Variants in WDR91 observed in about 807,000 individuals in gnomAD.
WDR91 encodes WD repeat-containing protein 91.
Under a neutral mutation model 88.4 loss-of-function variants are expected in WDR91, and 52 were observed. That is an observed-to-expected ratio of 0.59 (90% confidence interval 0.47 to 0.74). The LOEUF (loss-of-function observed/expected upper bound fraction) is 0.74, where lower values mean the gene tolerates loss of function less well. WDR91 is among the 30% of genes least tolerant of loss of function. The pLI, the probability that WDR91 is intolerant of heterozygous loss-of-function variation, is 0.00. For synonymous variants in WDR91, 362 were observed against 389.5 expected (o/e 0.93, Z 0.83); for missense variants, 824 against 954.5 (o/e 0.86, Z 1.80).
chr7:135,195,317 C>G (rs1831321758), intron 8 of WDR91, among the ~76,000 whole-genome samples: 1 of 152,246 alleles, frequency 6.6e-6, no homozygotes, highest in Admixed American at 6.5e-5. Flanking sequence ...CAATTCTGGG[C>G]AAAGAGCCGT....
intron 6 of WDR91, among the ~76,000 whole-genome samples, chr7:135,203,909 T>C (rs1243366079): frequency 6.6e-6 from 1 of 152,176 alleles, no homozygotes; most frequent in Non-Finnish European, 1.5e-5. Context: ...TGGCACTGCC[T>C]TGATCAGTGC....
In WDR91 at chr7:135,186,331, A is replaced by C; in HGVS notation, c.2080-16T>G. The C allele has an allele frequency of 6.2e-7, 1 of 1,608,964 alleles. No homozygotes were observed. The highest frequency in any genetic ancestry group is 1.7e-4 in the Middle Eastern group (1 of 6,038). On this transcript the variant is annotated splice_polypyrimidine_tract_variant and intron_variant, in intron 14 of 14. Transcript: ENST00000354475. ...CGCCACCCAGCTGCAAGAGGACAGG[A>C]AAGAGGAGGAGGTGTCAGCAAACAC...
At chr7:135,210,863 G>A (rs1380572281) in intron 1 of WDR91, 2 of 703,700 alleles carry the variant, frequency 2.8e-6, no homozygotes, top group East Asian at 2.7e-5. Flanking sequence ...TAGAGCAGGG[G>A]AAGTTTGGGT....
chr7:135,187,458 G>A (rs1040823378), intron 13 of WDR91, among the ~76,000 whole-genome samples: 1 of 152,154 alleles, frequency 6.6e-6, no homozygotes, highest in African/African-American at 2.4e-5. Flanking sequence ...CTTTCTCTCT[G>A]GCCTGACCCT....
chr7:135,193,409 A>G lies in WDR91; in HGVS notation c.1491-10T>C. 2.5e-6 allele frequency: 4 copies of G among 1,613,806 alleles called. No homozygotes were observed. The highest frequency in any genetic ancestry group is 3.4e-6 in the Non-Finnish European group (4 of 1,179,822). ...CGCAAGAGACAGGATTCTGCAACAC[A>G]CATGGGCCTGGGTCAGACCCTCTGC... On this transcript the variant is annotated splice_polypyrimidine_tract_variant and intron_variant, in intron 10 of 14. Transcript: ENST00000354475.
chr7:135,204,405 A>T lies in WDR91; in HGVS notation c.754T>A (p.Ser252Thr). Residue 252 changes from serine (S) to threonine (T), a missense_variant, in exon 6 of 15, where the codon TCC (serine) becomes ACC (threonine). Transcript: ENST00000354475. Reference protein sequence around the residue: ...LAMVCSQRNASLSQSPRVGFL... With the variant: ...LAMVCSQRNATLSQSPRVGFL... ...CCCACACGAGGTGACTGGGAGAGGG[A>T]GGCATTCCTTTGGCTGCACACCATG... 4 of 1,614,172 alleles carry T rather than the reference A, an allele frequency of 2.5e-6. No individual in the cohort carries two copies. The highest frequency in any genetic ancestry group is 3.4e-6 in the Non-Finnish European group (4 of 1,180,040).
intron 4 of WDR91, among the ~76,000 whole-genome samples, chr7:135,206,517 C>T (rs887528172): frequency 2.5e-4 from 38 of 152,000 alleles, no homozygotes; most frequent in African/African-American, 8.9e-4. Flanking sequence ...AACCCCATAA[C>T]CTAAACAGCC....
At chr7:135,191,211 AAC>A (rs375146646) in intron 11 of WDR91, among the ~76,000 whole-genome samples, 1 of 152,336 alleles carries the variant, frequency 6.6e-6, no homozygotes, top group East Asian at 1.9e-4. Flanking sequence ...ATTCTAGAAA[AAC>A]ACATATACTG....
Position 135,205,995 on chromosome 7 carries a change from C to T in WDR91, c.658G>A (p.Glu220Lys). The T allele has an allele frequency of 6.2e-7, 1 of 1,614,214 alleles. No homozygotes were observed. Among genetic ancestry groups the T allele is most frequent in the African/African-American group, 1.3e-5 (1 of 75,058 alleles). Residue 220 changes from glutamate to lysine, a missense_variant, in exon 5 of 15, where the codon GAG becomes AAG. Physicochemically the swap from Glu to Lys is moderately conservative, Grantham distance 56. Coordinates refer to ENST00000354475, the MANE Select transcript of WDR91 (RefSeq NM_014149.4). ...GGCAATTTGTGTTGGACCAAGGCCTCTTCCTCTTCTGGCTGTTGCTCCTCT... is the reference window on the plus strand; with the variant it reads ...GGCAATTTGTGTTGGACCAAGGCCTTTTCCTCTTCTGGCTGTTGCTCCTCT... ...KKEEQQPEEE[E>K]ALVQHKLPPY...
chr7:135,190,074 T>C (rs560376573), intron 11 of WDR91, among the ~76,000 whole-genome samples: 3 of 152,070 alleles, frequency 2.0e-5, no homozygotes, highest in Non-Finnish European at 4.4e-5. Context: ...GGGCCACAAC[T>C]AAGAGAAAGC....
chr7:135,208,859 GA>G lies in WDR91; in HGVS notation c.442del (p.Ser148LeufsTer16). On this transcript the variant is annotated frameshift_variant, in exon 3 of 15. Transcript: ENST00000354475. LOFTEE classifies it high-confidence loss of function. Reference protein sequence around the residue: ...DTNPTFATYFSRQWADTFIVS... With the variant: ...DTNPTFATYFXRQWADTFIVS... ...AATGAAGGTGTCAGCCCACTGTCGA[GA>G]AAAGTAGGTAGCAAAGGTGGGGTTG... 2 of 1,614,196 alleles carry G rather than the reference GA, an allele frequency of 1.2e-6. No homozygotes were observed. The highest frequency in any genetic ancestry group is 1.7e-6 in the Non-Finnish European group (2 of 1,180,028).
At chr7:135,209,072 C>A in intron 2 of WDR91, 74 bp from the exon 3 acceptor site, 2 of 1,319,842 alleles carry the variant, frequency 1.5e-6, no homozygotes, top group Non-Finnish European at 2.1e-6. Flanking sequence ...CATCATTGCA[C>A]AGCAGACAAC....
intron 6 of WDR91, among the ~76,000 whole-genome samples, chr7:135,200,739 A>C (rs1032238323): frequency 2.0e-5 from 3 of 152,234 alleles, no homozygotes; most frequent in African/African-American, 7.2e-5. Flanking sequence ...ACAGTTCAGG[A>C]GAGACACGGT....
intron 9 of WDR91, chr7:135,193,879 A>C: frequency 1.8e-6 from 1 of 564,174 alleles, no homozygotes; most frequent in Non-Finnish European, 3.2e-6. Flanking sequence ...CTTCTAAGCA[A>C]AACCACAAAA....
At chr7:135,207,025 G>GA (rs754554776) in intron 4 of WDR91, 95 bp downstream of exon 4, 4 of 986,666 alleles carry the variant, frequency 4.1e-6, no homozygotes, top group East Asian at 6.8e-5. Context: ...AGTGGCAGTG[G>GA]AAACCTGATT....
Position 135,204,288 on chromosome 7 carries a change from T to C in WDR91, c.871A>G (p.Lys291Glu). ...GPPQPQSSAK[K>E]ESFGGQGTKG... ...CTTACCTGACCACCGAAGGACTCTT[T>C]CTTGGCCGAGCTCTGAGGTTGAGGA... Residue 291 changes from lysine (K) to glutamate (E), a missense_variant, in exon 6 of 15, where the codon AAA (lysine) becomes GAA (glutamate). Lys to Glu is a moderately conservative substitution (Grantham distance 56). Coordinates refer to ENST00000354475, the MANE Select transcript of WDR91 (RefSeq NM_014149.4). 6.2e-7 allele frequency: 1 copy of C among 1,614,108 alleles called. No homozygotes were observed. The highest frequency in any genetic ancestry group is 8.5e-7 in the Non-Finnish European group (1 of 1,180,010).
chr7:135,198,082 C>T lies in WDR91; in HGVS notation c.961G>A (p.Gly321Arg), dbSNP rs1192074191. 2 of 1,614,026 alleles carry T rather than the reference C, an allele frequency of 1.2e-6. No homozygotes were observed. Among genetic ancestry groups the T allele is most frequent in the Non-Finnish European group, 1.7e-6 (2 of 1,179,990 alleles). Residue 321 changes from glycine (G) to arginine (R), a missense_variant, in exon 7 of 15, where the codon GGG (glycine) becomes AGG (arginine). Gly to Arg is a moderately radical substitution (Grantham distance 125, BLOSUM62 -2). Transcript: ENST00000354475. The part of the protein sequence containing the change: ...GKSLLSGLAT[G>R]ESGWSQHRQR... The stretch of plus-strand genomic sequence containing the variant: ...CGGTGCTGTGACCAACCGGACTCCC[C>T]AGTGGCCAGCCCGCTGAGGAGGCTC...
intron 4 of WDR91, 109 bp downstream of exon 4, chr7:135,207,011 A>G: frequency 2.9e-6 from 2 of 690,584 alleles, no homozygotes; most frequent in Non-Finnish European, 4.6e-6. Flanking sequence ...CTGAGAAATT[A>G]GGTAGTGGCA....
At chr7:135,198,291 A>G in intron 6 of WDR91, 140 bp from the exon 7 acceptor site, 1 of 980,976 alleles carries the variant, frequency 1.0e-6, no homozygotes, top group Admixed American at 2.8e-5. Flanking sequence ...TCAGCTATGT[A>G]GGTGAGGTCA....
Sources: allele counts gnomAD v4.1 joint callset (sites outside exome capture counted in the v4.1 genomes callset), GRCh38; gene constraint gnomAD v4.1.1; transcripts MANE v1.5; gene names NCBI Gene and HGNC (gene_info 2026-07-23, HGNC 2026-07-21).